TTBK2: variants seen among roughly 807,000 people sequenced by gnomAD.
TTBK2 encodes tau tubulin kinase 2, also known as tau-tubulin kinase 2.
Under a neutral mutation model 110.8 loss-of-function variants are expected in TTBK2, and 28 were observed. The observed-to-expected ratio is 0.25, with a 90% confidence interval of 0.19 to 0.35. TTBK2 has a LOEUF of 0.35. Ranked by LOEUF, TTBK2 falls within the 10% of genes least tolerant of loss-of-function variation. The pLI is 1.00. For synonymous variants in TTBK2, 532 were observed against 527.3 expected (o/e 1.01, Z -0.12); for missense variants, 1,369 against 1,500.3 (o/e 0.91, Z 1.45).
At chr15:42,853,470 T>C (rs1379859499) in intron 3 of TTBK2, among the ~76,000 whole-genome samples, 1 of 152,162 alleles carries the variant, frequency 6.6e-6, no homozygotes, top group Non-Finnish European at 1.5e-5. Context: ...CTTTAGATGA[T>C]GGAAAGGAGA....
intron 1 of TTBK2, among the ~76,000 whole-genome samples, chr15:42,884,125 T>C (rs574894335): frequency 1.3e-5 from 2 of 152,008 alleles, no homozygotes; most frequent in African/African-American, 2.4e-5. Context: ...TAAAAATCAA[T>C]GAACTGAAAG....
intron 13 of TTBK2, among the ~76,000 whole-genome samples, chr15:42,760,947 T>C (rs565246890): frequency 2.0e-5 from 3 of 152,258 alleles, no homozygotes; most frequent in South Asian, 2.1e-4. Context: ...TACAAAGCTA[T>C]AGTAACCAAA....
intron 2 of TTBK2, among the ~76,000 whole-genome samples, chr15:42,876,587 C>T (rs1329273462): frequency 6.6e-6 from 1 of 152,000 alleles, no homozygotes; most frequent in African/African-American, 2.4e-5. Flanking sequence ...TTGTACCATA[C>T]AAATAAAAAA....
intron 3 of TTBK2, among the ~76,000 whole-genome samples, chr15:42,851,538 G>A (rs902252095): frequency 2.6e-5 from 4 of 152,010 alleles, no homozygotes; most frequent in Admixed American, 2.6e-4. Flanking sequence ...TGAATTTAAG[G>A]GACACAGTGA....
At chr15:42,812,346 G>T (rs1044258822) in intron 7 of TTBK2, among the ~76,000 whole-genome samples, 2 of 150,640 alleles carry the variant, frequency 1.3e-5, no homozygotes, top group African/African-American at 2.4e-5. Flanking sequence ...GCTATCAAAA[G>T]AAAAAAATGA....
chr15:42,838,567 A>T (rs1409233193), intron 4 of TTBK2, among the ~76,000 whole-genome samples: 3 of 152,060 alleles, frequency 2.0e-5, no homozygotes, highest in African/African-American at 7.2e-5. Flanking sequence ...TGTAATCCTA[A>T]CGCTTTGGGA....
intron 1 of TTBK2, among the ~76,000 whole-genome samples, chr15:42,884,198 T>G (rs1487339850): frequency 6.6e-6 from 1 of 152,204 alleles, no homozygotes; most frequent in African/African-American, 2.4e-5. Context: ...AACTGAAGAC[T>G]TCACTCTTTT....
chr15:42,818,707 G>A (rs970750951), intron 6 of TTBK2, among the ~76,000 whole-genome samples: 3 of 151,984 alleles, frequency 2.0e-5, no homozygotes, highest in East Asian at 2.0e-4. Flanking sequence ...GCGACAGAAC[G>A]AGACTCCGTC....
chr15:42,755,882 C>T (rs1389369945), intron 13 of TTBK2, among the ~76,000 whole-genome samples: 3 of 151,982 alleles, frequency 2.0e-5, no homozygotes, highest in African/African-American at 7.3e-5. Flanking sequence ...ATGTCAAATA[C>T]CAAGGGAGAT....
rs190069963 is a variant in TTBK2, at chr15:42,758,757, A to G, written c.1999-5510T>C. Among the ~76,000 whole-genome samples, 450 of 151,840 alleles carry G rather than the reference A, an allele frequency of 3.0e-3. 3 individuals carry two copies. The highest frequency in any genetic ancestry group is 5.4e-3 in the Non-Finnish European group (364 of 67,948). On this transcript the variant is annotated intron_variant, in intron 13 of 14. Transcript: ENST00000267890. Reference sequence around the variant, plus strand: ...CCAGATTGGGCTGGAGTCAGGAGGGACTTCCTGTTGTGGGAAAAAGGTAAG... The same window carrying G: ...CCAGATTGGGCTGGAGTCAGGAGGGGCTTCCTGTTGTGGGAAAAAGGTAAG...
Position 42,783,483 on chromosome 15 carries a change from T to TGGGGACGGGGGTGTCCCAGAG in TTBK2, c.1112_1132dup (p.Pro377_Gln378insProLeuGlyHisProArgPro), listed in dbSNP as rs1467154580. On this transcript the variant is annotated inframe_insertion, in exon 11 of 15. Transcript: ENST00000267890. ...CATCTCTTCCCAAACATCCTTCTCC[T>TGGGGACGGGGGTGTCCCAGAG]GGGGACGGGGGTGTCCCAGAGATCC... 1 of 1,614,152 alleles carries TGGGGACGGGGGTGTCCCAGAG rather than the reference T, an allele frequency of 6.2e-7. No homozygotes were observed. The highest frequency in any genetic ancestry group is 1.6e-4 in the Middle Eastern group (1 of 6,062).
chr15:42,826,428 G>A (rs1892539597), intron 6 of TTBK2, among the ~76,000 whole-genome samples: 1 of 152,194 alleles, frequency 6.6e-6, no homozygotes, highest in South Asian at 2.1e-4. Context: ...ATGCCTTACG[G>A]TTTTATTGCT....
Position 42,752,951 on chromosome 15 carries a change from C to A in TTBK2, c.2295G>T (p.Leu765=), listed in dbSNP as rs751381521. 9 of 1,614,184 alleles carry A rather than the reference C, an allele frequency of 5.6e-6. No homozygotes were observed. The Admixed American group carries it at 1.5e-4, about 27-fold the overall frequency. ...GGAGATTTTCAAATTCTCTCACAAC[C>A]AGTCTATTATGATCAGGAAGTTCTT... ...GPKELPDHNR[L]VVREFENLPG... Residue 765 remains leucine, a synonymous_variant, in exon 14 of 15, where the codon CTG becomes CTT. Coordinates refer to ENST00000267890, the MANE Select transcript of TTBK2 (RefSeq NM_173500.4).
At chr15:42,886,093 T>C (rs1287409667) in intron 1 of TTBK2, among the ~76,000 whole-genome samples, 1 of 152,172 alleles carries the variant, frequency 6.6e-6, no homozygotes, top group Non-Finnish European at 1.5e-5. Flanking sequence ...CAAATCTTTC[T>C]TCTTTCTGTC....
intron 3 of TTBK2, among the ~76,000 whole-genome samples, chr15:42,846,721 C>G (rs1052863068): frequency 3.3e-5 from 5 of 152,074 alleles, no homozygotes; most frequent in Admixed American, 2.0e-4. Flanking sequence ...TGGACGAAGC[C>G]CCTATATAAT....
chr15:42,897,827 C>CAT (rs1895727093), intron 1 of TTBK2, among the ~76,000 whole-genome samples: 1 of 60,068 alleles, frequency 1.7e-5, no homozygotes, highest in Admixed American at 1.5e-4. Context: ...TAGTGGTACA[C>CAT]ACACACACAC....
intron 11 of TTBK2, among the ~76,000 whole-genome samples, chr15:42,778,219 G>T (rs928832341): frequency 5.4e-5 from 8 of 149,336 alleles, no homozygotes; most frequent in Admixed American, 4.0e-4. Flanking sequence ...ATCAACAAAG[G>T]GTTATTTGGA....
intron 13 of TTBK2, among the ~76,000 whole-genome samples, chr15:42,772,672 A>C (rs1444814256): frequency 1.3e-5 from 2 of 152,210 alleles, no homozygotes; most frequent in East Asian, 3.8e-4. Flanking sequence ...CTGACTGGGT[A>C]CAGTGGCTCA....
At chr15:42,889,990 C>T (rs1895390496) in intron 1 of TTBK2, among the ~76,000 whole-genome samples, 1 of 152,170 alleles carries the variant, frequency 6.6e-6, no homozygotes, top group African/African-American at 2.4e-5. Context: ...GCTATGCCAC[C>T]ATATCTCCTG....
Sources: gnomAD v4.1 joint callset for allele counts (sites outside exome capture counted in the v4.1 genomes callset) on GRCh38, gnomAD v4.1.1 for gene constraint, MANE v1.5 for transcripts, NCBI Gene and HGNC (gene_info 2026-07-23, HGNC 2026-07-21) for gene names.